Variants in PDLIM1 observed in about 807,000 individuals in gnomAD.
PDLIM1 encodes PDZ and LIM domain 1, also known as PDZ and LIM domain protein 1.
PDLIM1 carries 25 observed loss-of-function variants against 35.2 expected under a neutral mutation model. That is an observed-to-expected ratio of 0.71 (90% CI 0.52 to 0.99). The LOEUF is 0.99. PDLIM1 is among the 50% of genes least tolerant of loss of function. The pLI, the probability that PDLIM1 is intolerant of heterozygous loss-of-function variation, is 0.00. For missense variants in PDLIM1, 363 were observed against 415.3 expected (o/e 0.87, Z 1.09); for synonymous variants, 152 against 154.0 (o/e 0.99, Z 0.10).
intron 4 of PDLIM1, among the ~76,000 whole-genome samples, chr10:95,261,842 A>C (rs6583987): frequency 0.61 from 92,095 of 151,740 alleles, 29,425 homozygotes; most frequent in Non-Finnish European, 0.7. Flanking sequence ...AACCCCATCT[A>C]TACTAAAAAC....
chr10:95,266,698 A>C (rs2035420011), intron 3 of PDLIM1, among the ~76,000 whole-genome samples: 1 of 152,162 alleles, frequency 6.6e-6, no homozygotes, highest in Non-Finnish European at 1.5e-5. Flanking sequence ...ATTAGAATGG[A>C]AGTCAATGGA....
chr10:95,253,641 A>G (rs1464964239), intron 4 of PDLIM1, among the ~76,000 whole-genome samples: 2 of 146,088 alleles, frequency 1.4e-5, no homozygotes, highest in Non-Finnish European at 3.0e-5. Flanking sequence ...GGGTGACAAG[A>G]GCGAGACTCT....
At chr10:95,255,889 TC>T (rs1261031673) in intron 4 of PDLIM1, among the ~76,000 whole-genome samples, 8 of 90,280 alleles carry the variant, frequency 8.9e-5, no homozygotes, top group Non-Finnish European at 1.5e-4. Flanking sequence ...ACCCTAAAGA[TC>T]CCCCCCCACT....
In PDLIM1 at chr10:95,268,780, G is replaced by T; in HGVS notation, c.331C>A (p.Gln111Lys). 1.2e-6 allele frequency: 2 copies of T among 1,604,794 alleles called. 1 individual carries two copies. Among genetic ancestry groups the T allele is most frequent in the South Asian group, 2.2e-5 (2 of 90,888 alleles). ...PYKMNLASEP[Q>K]EVLHIGSAHN... Reference sequence around the variant, plus strand: ...GGCAACGATGAGCAAGAACTTACCTGGGGTTCAGAGGCTAAATTCATCTTG... The same window carrying T: ...GGCAACGATGAGCAAGAACTTACCTTGGGTTCAGAGGCTAAATTCATCTTG... The change falls in exon 3 of 7, where the codon CAG (glutamine) becomes AAG (lysine). Residue 111 changes from glutamine to lysine, a missense_variant and splice_region_variant. Physicochemically the swap from Gln to Lys is moderately conservative, Grantham distance 53. Transcript: ENST00000329399.
rs371171587 is a variant in PDLIM1, at chr10:95,263,886, C to G, written c.511G>C (p.Gly171Arg). ...TACGGTCTGCTGTTCGCCTCCACCC[C>G]GCTGGCAGCAGTCTTTGACTCCAGG... ...NALESKTAAS[G>R]VEANSRPLDH... is the part of the protein sequence containing the mutation. Residue 171 changes from glycine to arginine, a missense_variant, in exon 4 of 7, where the codon GGG becomes CGG. Gly to Arg is a moderately radical substitution (Grantham distance 125, BLOSUM62 -2). Transcript: ENST00000329399. 2.5e-5 allele frequency: 40 copies of G among 1,613,212 alleles called. No homozygotes were observed. Among genetic ancestry groups the G allele is most frequent in the Non-Finnish European group, 3.2e-5 (38 of 1,179,676 alleles).
At chr10:95,264,199 GGACACT>G in intron 3 of PDLIM1, 136 bp from the exon 4 acceptor site, 1 of 669,450 alleles carries the variant, frequency 1.5e-6, no homozygotes, top group South Asian at 1.8e-5. Flanking sequence ...TTTAGCTGAG[GGACACT>G]GACACACCCA....
At chr10:95,253,139 G>A (rs973262444) in intron 4 of PDLIM1, among the ~76,000 whole-genome samples, 6 of 152,050 alleles carry the variant, frequency 3.9e-5, no homozygotes, top group South Asian at 2.1e-4. Flanking sequence ...GAAAAATGAC[G>A]CCTTATCTAG....
intron 1 of PDLIM1, among the ~76,000 whole-genome samples, chr10:95,275,891 GT>G (rs35419023): frequency 8.1e-5 from 12 of 149,034 alleles, no homozygotes; most frequent in African/African-American, 2.0e-4. Context: ...TAATTTCTTT[GT>G]TTTTTTTTTA....
At chr10:95,275,644 C>A (rs554735209) in intron 1 of PDLIM1, among the ~76,000 whole-genome samples, 1 of 152,286 alleles carries the variant, frequency 6.6e-6, no homozygotes, top group East Asian at 1.9e-4. Context: ...AGCATGACCA[C>A]TCACAAAACT....
chr10:95,244,794 G>A (rs1361022704), intron 5 of PDLIM1, among the ~76,000 whole-genome samples: 3 of 152,086 alleles, frequency 2.0e-5, no homozygotes, highest in Admixed American at 6.6e-5. Flanking sequence ...CAGATACTTG[G>A]GAGGCTGAGG....
Position 95,275,608 on chromosome 10 carries a change from C to A in PDLIM1, c.97-3824G>T, listed in dbSNP as rs534587078. ...ATTTTTATTTCAAAAATGAAATAAT[C>A]ATTTCCCTCTACACTGCTATCCTGA... On this transcript the variant is annotated intron_variant, in intron 1 of 6. Transcript: ENST00000329399. 8.5e-5 allele frequency among the ~76,000 whole-genome samples: 13 copies of A among 152,260 alleles called. No individual in the cohort carries two copies. In the East Asian group the frequency reaches 1.9e-3, roughly 23 times the overall value.
At chr10:95,256,980 A>AGAAAAGAAAAGAAAAGAAAAGAAAAG (rs748756563) in intron 4 of PDLIM1, among the ~76,000 whole-genome samples, 50 of 135,624 alleles carry the variant, frequency 3.7e-4, no homozygotes, top group Admixed American at 1.2e-3. Context: ...ATCTTAAAAA[A>AGAAAAGAAAAGAAAAGAAAAGAAAAG]AAAAAAAAAG....
intron 1 of PDLIM1, among the ~76,000 whole-genome samples, chr10:95,277,270 T>C (rs979248548): frequency 1.3e-5 from 2 of 151,666 alleles, no homozygotes; most frequent in African/African-American, 4.8e-5. Flanking sequence ...GAACGTGCCA[T>C]TGCCAGCCTT....
chr10:95,244,895 G>C (rs963036199), intron 5 of PDLIM1, among the ~76,000 whole-genome samples: 32 of 152,032 alleles, frequency 2.1e-4, no homozygotes, highest in African/African-American at 7.2e-4. Context: ...GCAAGACCCT[G>C]TCTCAAACAA....
In PDLIM1 at chr10:95,241,318, C is replaced by G. The variant is rs573012448; in HGVS notation, c.686-2633G>C. 2.6e-5 allele frequency among the ~76,000 whole-genome samples: 4 copies of G among 152,300 alleles called. No homozygotes were observed. In the South Asian group the frequency reaches 8.3e-4, roughly 32 times the overall value. ...TCTCAAAGTCCTGCCCTCCAGCGAT[C>G]CTCCCACCAGAGCTTCTCCAGTAGC... On this transcript the variant is annotated intron_variant, in intron 5 of 6. Coordinates refer to ENST00000329399, the MANE Select transcript of PDLIM1 (RefSeq NM_020992.4).
chr10:95,281,342 G>A (rs980232713), intron 1 of PDLIM1, among the ~76,000 whole-genome samples: 2 of 151,550 alleles, frequency 1.3e-5, no homozygotes, highest in Admixed American at 6.6e-5. Context: ...ACTTTGGGAG[G>A]CCACAGCAGG....
intron 1 of PDLIM1, among the ~76,000 whole-genome samples, chr10:95,277,339 G>T (rs548458611): frequency 2.3e-4 from 35 of 152,142 alleles, no homozygotes; most frequent in Admixed American, 1.4e-3. Flanking sequence ...AATAAATGGG[G>T]ACAGGCACAG....
At chr10:95,282,569 G>C (rs1433327468) in intron 1 of PDLIM1, among the ~76,000 whole-genome samples, 1 of 152,172 alleles carries the variant, frequency 6.6e-6, no homozygotes, top group Non-Finnish European at 1.5e-5. Context: ...CTCTCAGTCT[G>C]AAAGACCGAC....
At chr10:95,273,617 T>A (rs1589517327) in intron 1 of PDLIM1, among the ~76,000 whole-genome samples, 1 of 152,166 alleles carries the variant, frequency 6.6e-6, no homozygotes, top group African/African-American at 2.4e-5. Context: ...AACCTTCCTT[T>A]CTGGCTCTCC....
Sources: gnomAD v4.1 joint callset for allele counts (sites outside exome capture counted in the v4.1 genomes callset) on GRCh38, gnomAD v4.1.1 for gene constraint, MANE v1.5 for transcripts, NCBI Gene and HGNC (gene_info 2026-07-23, HGNC 2026-07-21) for gene names.